The following ARHGEF3 variants were observed in gnomAD, a reference collection of about 807,000 sequenced individuals.
ARHGEF3 encodes the protein Rho guanine nucleotide exchange factor 3, also known as 59.8 kDA protein.
ARHGEF3 carries 28 observed loss-of-function variants against 63.2 expected under a neutral mutation model. The ratio of observed to expected loss-of-function variants is 0.44; its 90% confidence interval spans 0.33 to 0.61. The LOEUF (loss-of-function observed/expected upper bound fraction) is 0.61, where lower values mean the gene tolerates loss of function less well. Among genes scored for constraint, ARHGEF3 ranks in the 20% least tolerant of loss-of-function variants. The pLI is 0.03. For missense variants in ARHGEF3, 533 were observed against 659.3 expected, an observed-to-expected ratio of 0.81 and a Z score of 2.10; for synonymous variants, 266 against 254.2, an observed-to-expected ratio of 1.05 and a Z score of -0.44.
chr3:56,972,995 G>C (rs1203750883), intron 2 of ARHGEF3, among the ~76,000 whole-genome samples: 1 of 151,184 alleles, frequency 6.6e-6, no homozygotes, highest in African/African-American at 2.5e-5. Context: ...GTGGTGAGGA[G>C]TAGTGGAATG....
At chr3:57,016,472 C>T (rs1377680123) in intron 2 of ARHGEF3, among the ~76,000 whole-genome samples, 3 of 151,918 alleles carry the variant, frequency 2.0e-5, no homozygotes, top group Admixed American at 1.3e-4. Flanking sequence ...TGCTTAAACC[C>T]GGGAGGCGGA....
At chr3:56,955,389 G>T (rs1370549317) in intron 3 of ARHGEF3, among the ~76,000 whole-genome samples, 1 of 151,928 alleles carries the variant, frequency 6.6e-6, no homozygotes, top group Non-Finnish European at 1.5e-5. Context: ...TGTTTTCAGA[G>T]ACAGGGTCCT....
chr3:57,013,454 T>A (rs1560132772), intron 2 of ARHGEF3, among the ~76,000 whole-genome samples: 2 of 152,172 alleles, frequency 1.3e-5, no homozygotes, highest in Non-Finnish European at 2.9e-5. Context: ...ATCTAGCTAA[T>A]CTGGTGGTGA....
At chr3:56,788,297 G>C (rs2036922372) in intron 1 of ARHGEF3, among the ~76,000 whole-genome samples, 1 of 152,122 alleles carries the variant, frequency 6.6e-6, no homozygotes, top group South Asian at 2.1e-4. Context: ...CAATGAAATT[G>C]CCTGCTTCTC....
At position 57,037,631 on chromosome 3, in the gene ARHGEF3, T is replaced by C. The variant is rs538336251; in HGVS notation, c.-27-2455A>G. Among the ~76,000 whole-genome samples, 10 of 152,282 alleles carry C rather than the reference T, an allele frequency of 6.6e-5. 1 individual carries two copies. The South Asian group carries it at 1.9e-3, about 28-fold the overall frequency. On this transcript the variant is annotated intron_variant, in intron 1 of 12. Transcript: ENST00000338458. ...GGCTCACGCCTGTAATCCCAGCACTTTGGGAGGCCGAGGCAGGCGGATCAC... is the reference window on the plus strand; with the variant it reads ...GGCTCACGCCTGTAATCCCAGCACTCTGGGAGGCCGAGGCAGGCGGATCAC...
chr3:56,990,335 C>T (rs931798412), intron 2 of ARHGEF3, among the ~76,000 whole-genome samples: 8 of 152,150 alleles, frequency 5.3e-5, no homozygotes, highest in East Asian at 1.9e-4. Context: ...TGTAATCCCA[C>T]GACTTTGGGA....
At chr3:56,763,639 A>G (rs2035545501) in intron 2 of ARHGEF3, among the ~76,000 whole-genome samples, 1 of 152,228 alleles carries the variant, frequency 6.6e-6, no homozygotes, top group Admixed American at 6.5e-5. Flanking sequence ...CCAATTTGAA[A>G]TACAACAAAA....
intron 9 of ARHGEF3, 176 bp downstream of exon 9, chr3:56,732,062 G>A (rs2033204034): frequency 2.7e-6 from 2 of 730,650 alleles, no homozygotes; most frequent in South Asian, 1.9e-5. Context: ...TTTTGGAGAT[G>A]AGAAACTGAG....
rs182031727 is a variant in ARHGEF3, at chr3:56,765,860, T to A, written c.204+7849A>T. On this transcript the variant is annotated intron_variant, in intron 2 of 9. Coordinates refer to ENST00000296315, the MANE Select transcript of ARHGEF3 (RefSeq NM_019555.3). ...AAAAAATTCAAGTATAACAGAAATA[T>A]ATAATGAAAAAATCAATAGTTCCAA... is the stretch of plus-strand genomic sequence containing the variant. Among the ~76,000 whole-genome samples the A allele has an allele frequency of 1.5e-3, 230 of 152,298 alleles. 3 individuals are homozygous for A. Among genetic ancestry groups the A allele is most frequent in the Admixed American group, 0.014 (219 of 15,298 alleles).
At chr3:56,736,302 A>G (rs534913508) in intron 8 of ARHGEF3, among the ~76,000 whole-genome samples, 3 of 152,134 alleles carry the variant, frequency 2.0e-5, no homozygotes, top group Admixed American at 1.3e-4. Flanking sequence ...ATTGCAAATC[A>G]CTATATTAAG....
intron 9 of ARHGEF3, among the ~76,000 whole-genome samples, 169 bp from the exon 10 acceptor site, chr3:56,729,791 T>A (rs1373426763): frequency 6.6e-6 from 1 of 152,172 alleles, no homozygotes; most frequent in South Asian, 2.1e-4. Context: ...GCAGCCACCA[T>A]CAGGGAGATG....
intron 2 of ARHGEF3, among the ~76,000 whole-genome samples, chr3:57,023,812 G>C (rs148986823): frequency 1.4e-4 from 21 of 152,156 alleles, no homozygotes; most frequent in Non-Finnish European, 3.1e-4. Context: ...ACCCCAAAGG[G>C]ACTACAGATC....
chr3:57,060,936 A>G (rs542846458), intron 1 of ARHGEF3: 3 of 152,252 alleles, frequency 2.0e-5, no homozygotes, highest in African/African-American at 7.2e-5. Context: ...AAAGTCCAGG[A>G]GAGTCCAACT....
chr3:56,741,184 C>CCTTT (rs754074079), intron 7 of ARHGEF3, among the ~76,000 whole-genome samples: 2,741 of 128,808 alleles, frequency 0.021, 56 homozygotes, highest in African/African-American at 0.027. Context: ...TGCTTTGGTT[C>CCTTT]TTTTTTTTTT....
intron 1 of ARHGEF3, among the ~76,000 whole-genome samples, chr3:56,801,153 G>A (rs1007109760): frequency 1.3e-5 from 2 of 152,224 alleles, no homozygotes; most frequent in African/African-American, 4.8e-5. Flanking sequence ...CCCCCCGGCT[G>A]AATGACCCTC....
At chr3:56,969,059 G>A (rs1252737125) in intron 2 of ARHGEF3, among the ~76,000 whole-genome samples, 2 of 152,098 alleles carry the variant, frequency 1.3e-5, no homozygotes, top group Non-Finnish European at 2.9e-5. Context: ...AACGCTAAAA[G>A]GACAAAATAT....
chr3:56,880,483 A>G (rs2040731051), intron 4 of ARHGEF3, among the ~76,000 whole-genome samples: 1 of 152,174 alleles, frequency 6.6e-6, no homozygotes, highest in Admixed American at 6.5e-5. Context: ...TTCGATAGAA[A>G]GCATCTAGAG....
At chr3:56,899,131 C>G (rs186766018) in intron 3 of ARHGEF3, among the ~76,000 whole-genome samples, 3 of 152,234 alleles carry the variant, frequency 2.0e-5, no homozygotes, top group Admixed American at 1.3e-4. Flanking sequence ...TTCAATCCAC[C>G]AACTCCTCCC....
At chr3:56,996,041 C>T (rs1872944) in intron 2 of ARHGEF3, among the ~76,000 whole-genome samples, 149,035 of 152,302 alleles carry the variant, frequency 0.98, 73,006 homozygotes, top group Middle Eastern at 1. Flanking sequence ...GAAAAAAACA[C>T]AGGTGACAGT....
Sources: allele counts gnomAD v4.1 joint callset (sites outside exome capture counted in the v4.1 genomes callset), GRCh38; gene constraint gnomAD v4.1.1; transcripts MANE v1.5; gene names NCBI Gene and HGNC (gene_info 2026-07-23, HGNC 2026-07-21).